Variants in TBC1D31 observed in about 807,000 individuals in gnomAD.
The protein encoded by TBC1D31 is TBC1 domain family member 31.
TBC1D31 carries 99 observed loss-of-function variants against 132.9 expected under a neutral mutation model. The ratio of observed to expected loss-of-function variants is 0.74; its 90% CI spans 0.63 to 0.88. TBC1D31 has a LOEUF of 0.88. Among genes scored for constraint, TBC1D31 ranks in the 40% least tolerant of loss-of-function variants. The pLI is 0.00. For missense variants in TBC1D31, 1,134 were observed against 1,256.6 expected (o/e 0.90, Z 1.48); for synonymous variants, 385 against 419.4 (o/e 0.92, Z 1.00).
At chr8:123,138,153 T>C (rs1418758998) in intron 17 of TBC1D31, among the ~76,000 whole-genome samples, 1 of 152,162 alleles carries the variant, frequency 6.6e-6, no homozygotes, top group Non-Finnish European at 1.5e-5. Context: ...ATGGAGTAGC[T>C]AAAATTCTAT....
intron 17 of TBC1D31, among the ~76,000 whole-genome samples, chr8:123,136,507 A>G (rs983184595): frequency 5.9e-5 from 9 of 152,106 alleles, no homozygotes; most frequent in African/African-American, 1.9e-4. Context: ...CTGGAGTACA[A>G]TGGCGCGATC....
intron 13 of TBC1D31, 121 bp from the exon 14 acceptor site, chr8:123,128,160 A>G (rs968836840): frequency 1.2e-5 from 6 of 497,604 alleles, no homozygotes; most frequent in Non-Finnish European, 2.1e-5. Flanking sequence ...AGCTTTAATG[A>G]ATTTGCAAAA....
At chr8:123,086,965 G>A (rs1321748804) in intron 4 of TBC1D31, among the ~76,000 whole-genome samples, 5 of 152,160 alleles carry the variant, frequency 3.3e-5, no homozygotes, top group Admixed American at 6.5e-5. Context: ...TGATCCACTC[G>A]CCTGGTCTCC....
chr8:123,088,973 T>C (rs1173637461), intron 4 of TBC1D31, among the ~76,000 whole-genome samples: 1 of 152,214 alleles, frequency 6.6e-6, no homozygotes, highest in Admixed American at 6.5e-5. Context: ...TAGATTCCTG[T>C]TAAACATTTT....
chr8:123,086,550 G>A (rs996491048), intron 4 of TBC1D31, among the ~76,000 whole-genome samples: 2 of 151,884 alleles, frequency 1.3e-5, no homozygotes, highest in Non-Finnish European at 2.9e-5. Flanking sequence ...GTAGTGCCCC[G>A]GTCACTCTTC....
At chr8:123,080,298 G>C (rs1010450790) in intron 2 of TBC1D31, among the ~76,000 whole-genome samples, 1 of 152,132 alleles carries the variant, frequency 6.6e-6, no homozygotes, top group African/African-American at 2.4e-5. Flanking sequence ...AGAGGACCTT[G>C]AGTCTCTAGG....
the TBC1D31 span, among the ~76,000 whole-genome samples, chr8:123,159,268 G>GAAAAAAAAAAAAAA: frequency 1.3e-4 from 12 of 93,788 alleles, no homozygotes; most frequent in Admixed American, 3.7e-4. Flanking sequence ...ATTTGAACAG[G>GAAAAAAAAAAAAAA]AAAAAAAAAA....
intron 2 of TBC1D31, 34 bp downstream of exon 2, chr8:123,077,291 A>G (rs1563663149): frequency 3.9e-6 from 6 of 1,547,286 alleles, no homozygotes; most frequent in Non-Finnish European, 5.2e-6. Context: ...ACGTTCTTTA[A>G]CAAGTTATTA....
In TBC1D31 at chr8:123,077,195, C is replaced by A. The variant is rs765369582; in HGVS notation, c.162C>A (p.Gly54=). ...TGAATGTGGCTTTTGATGGCACAGG[C>A]GACTGCTTAATTGCTGGGGACCACC... The part of the protein sequence containing the change: ...RFLNVAFDGT[G]DCLIAGDHQG... Residue 54 remains glycine, a synonymous_variant, in exon 2 of 22, where the codon GGC becomes GGA. Transcript: ENST00000287380. 13 of 1,612,758 alleles carry A rather than the reference C, an allele frequency of 8.1e-6. No individual in the cohort carries two copies. In the Admixed American group the frequency reaches 8.4e-5, roughly 10 times the overall value.
chr8:123,085,856 A>G (rs1563675810), intron 4 of TBC1D31, among the ~76,000 whole-genome samples: 1 of 152,156 alleles, frequency 6.6e-6, no homozygotes, highest in Non-Finnish European at 1.5e-5. Flanking sequence ...GTAGAAACAT[A>G]TGGTATATAG....
At chr8:123,144,672 A>G (rs1463591815) in intron 19 of TBC1D31, 45 bp from the exon 20 acceptor site, 1 of 1,562,192 alleles carries the variant, frequency 6.4e-7, no homozygotes, top group Admixed American at 1.9e-5. Context: ...AATGTGTATT[A>G]CTATACTTTT....
chr8:123,077,533 A>ATT (rs33948089), intron 2 of TBC1D31, among the ~76,000 whole-genome samples: 140 of 143,520 alleles, frequency 9.8e-4, no homozygotes, highest in Non-Finnish European at 1.5e-3. Context: ...ATTATTGCTA[A>ATT]TTTTTTTTTT....
intron 20 of TBC1D31, among the ~76,000 whole-genome samples, chr8:123,147,931 G>C (rs1586746337): frequency 1.3e-5 from 2 of 151,958 alleles, no homozygotes; most frequent in African/African-American, 4.8e-5. Context: ...TTTGAGACCA[G>C]CCTGGCCAAT....
intron 2 of TBC1D31, among the ~76,000 whole-genome samples, chr8:123,080,418 A>G (rs1815004254): frequency 6.6e-6 from 1 of 152,122 alleles, no homozygotes; most frequent in South Asian, 2.1e-4. Flanking sequence ...CCTGTGATCA[A>G]CCGTTGTCCT....
Position 123,134,312 on chromosome 8 carries a change from A to G in TBC1D31, c.2499+106A>G, listed in dbSNP as rs528626230. On this transcript the variant is annotated intron_variant, in intron 17 of 21. Transcript: ENST00000287380. ...GGGAGGATGAGGTGGAAGGAGGATC[A>G]CTTGAGCTAAGGAATTCCAGACCAG... 2.6e-5 allele frequency: 21 copies of G among 823,306 alleles called. No individual in the cohort carries two copies. In the South Asian group the frequency reaches 3.3e-4, roughly 13 times the overall value. The allele number at this position is 823,306 out of a possible 1,614,324, so 51.0% of individuals were successfully genotyped here. A position where few individuals can be genotyped will look rare whatever the true frequency, so the allele number is the denominator to read the frequency against.
intron 7 of TBC1D31, chr8:123,102,441 G>A: frequency 2.9e-6 from 1 of 340,446 alleles, no homozygotes. Context: ...TCTTATTGCA[G>A]AAAAAAATAA....
chr8:123,164,395 A>G, the TBC1D31 span, among the ~76,000 whole-genome samples: 1 of 152,208 alleles, frequency 6.6e-6, no homozygotes, highest in African/African-American at 2.4e-5. Context: ...CAGAGGGTGC[A>G]GAGTCTCAGG....
chr8:123,084,413 A>C, intron 4 of TBC1D31, 73 bp downstream of exon 4: 1 of 1,369,866 alleles, frequency 7.3e-7, no homozygotes, highest in Non-Finnish European at 1.0e-6. Context: ...TGTATAGATG[A>C]TATAAGAGTA....
At chr8:123,121,257 C>T (rs772636754) in intron 11 of TBC1D31, among the ~76,000 whole-genome samples, 1 of 152,180 alleles carries the variant, frequency 6.6e-6, no homozygotes, top group Non-Finnish European at 1.5e-5. Flanking sequence ...TGGCACCCGA[C>T]ATTTTATCTA....
Sources: gnomAD v4.1 joint callset for allele counts (sites outside exome capture counted in the v4.1 genomes callset) on GRCh38, gnomAD v4.1.1 for gene constraint, MANE v1.5 for transcripts, NCBI Gene and HGNC (gene_info 2026-07-23, HGNC 2026-07-21) for gene names.